MTUS1: variants seen among roughly 807,000 people sequenced by gnomAD.
MTUS1 encodes microtubule-associated tumor suppressor 1.
MTUS1 carries 109 observed loss-of-function variants against 120.8 expected under a neutral mutation model. The observed-to-expected ratio is 0.90, with a 90% CI of 0.77 to 1.06. MTUS1 has a LOEUF of 1.06. MTUS1 is among the 50% of genes least tolerant of loss of function. The pLI, the probability that MTUS1 is intolerant of heterozygous loss-of-function variation, is 0.00. For missense variants in MTUS1, 2,210 were observed against 1,486.3 expected (o/e 1.49, Z -8.01); for synonymous variants, 737 against 550.5 (o/e 1.34, Z -4.74).
chr8:17,748,714 A>C (rs1287139616), intron 2 of MTUS1, among the ~76,000 whole-genome samples: 1 of 151,466 alleles, frequency 6.6e-6, no homozygotes, highest in East Asian at 1.9e-4. Flanking sequence ...TCCTGCCCGC[A>C]AGAGGTTGAG....
intron 6 of MTUS1, among the ~76,000 whole-genome samples, chr8:17,692,399 G>A (rs1485050787): frequency 6.6e-6 from 1 of 151,998 alleles, no homozygotes; most frequent in South Asian, 2.1e-4. Flanking sequence ...CGGCTAAGAA[G>A]ACAGCAGAGA....
intron 12 of MTUS1, 27 bp downstream of exon 12, chr8:17,653,159 A>G (rs768067591): frequency 2.3e-6 from 3 of 1,330,668 alleles, no homozygotes; most frequent in Non-Finnish European, 3.1e-6. Context: ...AAAATTCCAT[A>G]CTGATAAAGG....
At chr8:17,657,952 T>G (rs1808793199) in intron 8 of MTUS1, among the ~76,000 whole-genome samples, 1 of 151,646 alleles carries the variant, frequency 6.6e-6, no homozygotes, top group African/African-American at 2.4e-5. Flanking sequence ...TGTACATATA[T>G]GTATGCATAT....
At position 17,754,733 on chromosome 8, in the gene MTUS1, T is replaced by C. The variant is rs2048468045; in HGVS notation, c.1075A>G (p.Lys359Glu). ...ECPLMVPAFD[K>E]SEAQVLNPEH... ...GGGTTCAGCACTTGAGCTTCGCTCT[T>C]ATCAAAAGCTGGCACCATTAAAGGG... is the stretch of plus-strand genomic sequence containing the variant. Residue 359 changes from lysine to glutamate, a missense_variant, in exon 2 of 15, where the codon AAG becomes GAG. By Grantham distance (56) the Lys-to-Glu change is moderately conservative (BLOSUM62 1). Transcript: ENST00000693296. The C allele has an allele frequency of 1.9e-6, 3 of 1,614,268 alleles. 1 individual carries two copies. Among genetic ancestry groups the C allele is most frequent in the East Asian group, 2.2e-5 (1 of 44,888 alleles).
intron 1 of MTUS1, among the ~76,000 whole-genome samples, chr8:17,774,833 G>T (rs368805077): frequency 6.6e-6 from 1 of 152,012 alleles, no homozygotes; most frequent in Non-Finnish European, 1.5e-5. Context: ...ACCATCAAAG[G>T]TGTCAGTGGC....
chr8:17,747,478 G>C (rs1310900515), intron 2 of MTUS1, among the ~76,000 whole-genome samples: 1 of 152,146 alleles, frequency 6.6e-6, no homozygotes, highest in Non-Finnish European at 1.5e-5. Context: ...GCAGGAGGCA[G>C]AGAAATTCTA....
intron 6 of MTUS1, among the ~76,000 whole-genome samples, chr8:17,699,516 A>T (rs1428655512): frequency 6.6e-6 from 1 of 152,122 alleles, no homozygotes; most frequent in African/African-American, 2.4e-5. Flanking sequence ...GCCCAGCCTT[A>T]AATTATCCTT....
chr8:17,684,481 A>G lies in MTUS1; in HGVS notation c.2685T>C (p.Asp895=), dbSNP rs184063444. Residue 895 remains aspartate, a synonymous_variant, in exon 7 of 15, where the codon GAT becomes GAC. Transcript: ENST00000693296. The part of the protein sequence containing the change: ...SLCIQPQTAP[D]ALPPEKTLEL... Reference sequence around the variant, plus strand: ...CAAGTGTTTTCTCAGGGGGCAGCGCATCGGGAGCTGTCTGTGGCTGGATAC... The same window carrying G: ...CAAGTGTTTTCTCAGGGGGCAGCGCGTCGGGAGCTGTCTGTGGCTGGATAC... 3.1e-6 allele frequency: 5 copies of G among 1,614,228 alleles called. No individual in the cohort carries two copies. The highest frequency in any genetic ancestry group is 4.5e-5 in the East Asian group (2 of 44,886).
At chr8:17,769,928 G>T (rs1274403098) in intron 1 of MTUS1, among the ~76,000 whole-genome samples, 2 of 86,542 alleles carry the variant, frequency 2.3e-5, no homozygotes. Context: ...ACACACACAC[G>T]GGGGGGGTTG....
chr8:17,709,857 A>G (rs1820924142), intron 6 of MTUS1, among the ~76,000 whole-genome samples: 1 of 151,906 alleles, frequency 6.6e-6, no homozygotes, highest in Non-Finnish European at 1.5e-5. Flanking sequence ...AATACAAAAA[A>G]TTAGCCGGGC....
At chr8:17,698,552 A>T (rs951135433) in intron 6 of MTUS1, among the ~76,000 whole-genome samples, 3 of 152,226 alleles carry the variant, frequency 2.0e-5, no homozygotes, top group Admixed American at 1.3e-4. Context: ...TGTTTCCAAG[A>T]TTTCCTAGAA....
At position 17,785,177 on chromosome 8, in the gene MTUS1, A is replaced by G. The variant is rs536587909; in HGVS notation, c.-155+15884T>C. 3.3e-5 allele frequency among the ~76,000 whole-genome samples: 5 copies of G among 152,232 alleles called. No homozygotes were observed. The South Asian group carries it at 1.0e-3, about 32-fold the overall frequency. On this transcript the variant is annotated intron_variant, in intron 1 of 14. Coordinates refer to ENST00000693296, the MANE Select transcript of MTUS1 (RefSeq NM_001363059.2). ...AGGTGATGGGGACACAATGCTGAAC[A>G]AGATGGTCCCAGCCTTCAAAGAGCC... is the stretch of plus-strand genomic sequence containing the variant.
chr8:17,755,517 C>T lies in MTUS1; in HGVS notation c.291G>A (p.Met97Ile). The change falls in exon 2 of 15, where the codon ATG (methionine) becomes ATA (isoleucine). Residue 97 changes from methionine to isoleucine, a missense_variant. Coordinates refer to ENST00000693296, the MANE Select transcript of MTUS1 (RefSeq NM_001363059.2). ...GACACTGACAAATAGAATCTTTATGCATATCTAACACCTGCTTACTAATGA... is the reference window on the plus strand; with the variant it reads ...GACACTGACAAATAGAATCTTTATGTATATCTAACACCTGCTTACTAATGA... ...SDFISKQVLD[M>I]HKDSICQCPA... The T allele has an allele frequency of 6.2e-7, 1 of 1,614,132 alleles. No homozygotes were observed. The highest frequency in any genetic ancestry group is 1.1e-5 in the South Asian group (1 of 91,080).
chr8:17,696,578 GC>G (rs1818014219), intron 6 of MTUS1, among the ~76,000 whole-genome samples: 1 of 152,112 alleles, frequency 6.6e-6, no homozygotes, highest in Non-Finnish European at 1.5e-5. Context: ...CCAACCCAAT[GC>G]CCTAAAAGTG....
intron 1 of MTUS1, among the ~76,000 whole-genome samples, chr8:17,799,690 T>C (rs934478337): frequency 3.9e-5 from 6 of 152,166 alleles, no homozygotes; most frequent in Admixed American, 2.6e-4. Flanking sequence ...CCTTGACTTA[T>C]TGACATAATT....
chr8:17,661,710 C>T (rs1437555186), intron 8 of MTUS1, among the ~76,000 whole-genome samples: 6 of 150,452 alleles, frequency 4.0e-5, no homozygotes, highest in African/African-American at 9.8e-5. Context: ...TGGGAAGAAA[C>T]GGGAAAGAGA....
intron 12 of MTUS1, 149 bp from the exon 13 acceptor site, chr8:17,650,111 C>G: frequency 1.5e-6 from 1 of 670,620 alleles, no homozygotes; most frequent in East Asian, 2.6e-5. Flanking sequence ...AGGTGAAAAA[C>G]AAGAGCACCT....
rs180833727 is a variant in MTUS1, at chr8:17,655,113, T to G, written c.3109-447A>C. On this transcript the variant is annotated intron_variant, in intron 9 of 14. Coordinates refer to ENST00000693296, the MANE Select transcript of MTUS1 (RefSeq NM_001363059.2). ...TATGTTTCACAGTGACAGGGCCACA[T>G]GCTCTGCGCCTGTCACTTGACCACT... is the stretch of plus-strand genomic sequence containing the variant. The G allele has an allele frequency of 2.7e-3, 451 of 164,726 alleles. 3 individuals carry two copies. Among genetic ancestry groups the G allele is most frequent in the African/African-American group, 0.01 (436 of 41,918 alleles). 10.2% of individuals were successfully genotyped at this position (164,726 alleles called of 1,614,324 possible).
chr8:17,656,767 G>A (rs1007354224), intron 8 of MTUS1, among the ~76,000 whole-genome samples: 2 of 151,776 alleles, frequency 1.3e-5, no homozygotes, highest in Admixed American at 6.6e-5. Context: ...CAGGAAAGAC[G>A]AGGGATAAGA....
Sources: allele counts gnomAD v4.1 joint callset (sites outside exome capture counted in the v4.1 genomes callset), GRCh38; gene constraint gnomAD v4.1.1; transcripts MANE v1.5; gene names NCBI Gene and HGNC (gene_info 2026-07-23, HGNC 2026-07-21).